Variants in AGBL1 observed in about 807,000 individuals in gnomAD.
AGBL1 encodes AGBL carboxypeptidase 1, also known as cytosolic carboxypeptidase 4.
A neutral mutation model predicts 118.9 loss-of-function variants in AGBL1; 130 were observed. That is an observed-to-expected ratio of 1.09 (90% CI 0.95 to 1.26). The LOEUF is 1.26. AGBL1 is among the 50% of genes most tolerant of loss of function. AGBL1 has a pLI of 0.00. For synonymous variants in AGBL1, 555 were observed against 478.9 expected (o/e 1.16, Z -2.08); for missense variants, 1,584 against 1,298.1 (o/e 1.22, Z -3.38).
intron 7 of AGBL1, 132 bp from the exon 8 acceptor site, chr15:86,256,721 C>G (rs893718351): frequency 1.2e-6 from 1 of 830,280 alleles, no homozygotes; most frequent in South Asian, 1.8e-5. Flanking sequence ...TCTGTCCATG[C>G]GTATAATTCA....
At chr15:86,197,022 T>C (rs920399026) in intron 5 of AGBL1, among the ~76,000 whole-genome samples, 6 of 152,128 alleles carry the variant, frequency 3.9e-5, no homozygotes, top group African/African-American at 1.4e-4. Flanking sequence ...TTCTAGCCTC[T>C]AGAACTGTGA....
chr15:86,765,976 A>C (rs958400630), intron 22 of AGBL1, among the ~76,000 whole-genome samples: 5 of 151,980 alleles, frequency 3.3e-5, no homozygotes, highest in African/African-American at 9.7e-5. Flanking sequence ...TCCATCACCC[A>C]GACTGGTTGT....
At chr15:86,547,314 A>G (rs1303782801) in intron 20 of AGBL1, among the ~76,000 whole-genome samples, 4 of 152,164 alleles carry the variant, frequency 2.6e-5, no homozygotes, top group South Asian at 4.1e-4. Context: ...AATCAAAAAA[A>G]TCTACCATGG....
At chr15:86,814,438 C>T (rs1400010916) in intron 22 of AGBL1, among the ~76,000 whole-genome samples, 1 of 152,158 alleles carries the variant, frequency 6.6e-6, no homozygotes, top group Non-Finnish European at 1.5e-5. Context: ...CAGGCAGAGA[C>T]TGAACCTACA....
chr15:86,784,337 G>A (rs12905488), intron 22 of AGBL1, among the ~76,000 whole-genome samples: 40 of 152,040 alleles, frequency 2.6e-4, no homozygotes, highest in Middle Eastern at 3.4e-3. Flanking sequence ...TGAACTGGTC[G>A]AATGAAAACA....
chr15:86,851,347 C>T (rs564875244), intron 22 of AGBL1, among the ~76,000 whole-genome samples: 8 of 152,116 alleles, frequency 5.3e-5, no homozygotes, highest in Non-Finnish European at 1.2e-4. Flanking sequence ...GCTCACTCTG[C>T]CCACCTAACC....
At chr15:86,220,218 C>G (rs2078260072) in intron 5 of AGBL1, among the ~76,000 whole-genome samples, 1 of 152,196 alleles carries the variant, frequency 6.6e-6, no homozygotes, top group Non-Finnish European at 1.5e-5. Flanking sequence ...TCCCAAAGTG[C>G]TGGGATTACA....
At chr15:86,256,759 G>A in intron 7 of AGBL1, 94 bp from the exon 8 acceptor site, 1 of 1,285,216 alleles carries the variant, frequency 7.8e-7, no homozygotes, top group South Asian at 1.4e-5. Flanking sequence ...AGGAGACTGT[G>A]CTGTGTTACA....
chr15:86,902,408 C>T (rs2080223865), intron 22 of AGBL1, among the ~76,000 whole-genome samples: 1 of 151,806 alleles, frequency 6.6e-6, no homozygotes, highest in East Asian at 1.9e-4. Context: ...AAAAACACCA[C>T]ACAATTTTAT....
chr15:86,173,790 G>A (rs1176271578), intron 5 of AGBL1, among the ~76,000 whole-genome samples: 1 of 152,004 alleles, frequency 6.6e-6, no homozygotes, highest in African/African-American at 2.4e-5. Flanking sequence ...CTGTTCTGCT[G>A]TGCTGGTCTG....
chr15:86,248,191 C>T (rs1394157089), intron 7 of AGBL1, among the ~76,000 whole-genome samples: 1 of 152,092 alleles, frequency 6.6e-6, no homozygotes, highest in Non-Finnish European at 1.5e-5. Flanking sequence ...GTGTTGCACA[C>T]CTATAGTCCC....
At chr15:86,249,192 CA>C (rs774402888) in intron 7 of AGBL1, among the ~76,000 whole-genome samples, 2 of 152,104 alleles carry the variant, frequency 1.3e-5, no homozygotes, top group Non-Finnish European at 2.9e-5. Flanking sequence ...CTCCTGGGGC[CA>C]AGGCAGCCAT....
chr15:86,513,848 A>G (rs1301293148), intron 18 of AGBL1, among the ~76,000 whole-genome samples: 1 of 152,060 alleles, frequency 6.6e-6, no homozygotes, highest in East Asian at 1.9e-4. Context: ...GCATTTCACC[A>G]TTGTGGTTCC....
chr15:86,732,370 G>C (rs1190933126), intron 22 of AGBL1, among the ~76,000 whole-genome samples: 1 of 152,146 alleles, frequency 6.6e-6, no homozygotes, highest in East Asian at 1.9e-4. Flanking sequence ...GAAATTTCTT[G>C]TGATGTGATT....
intron 18 of AGBL1, among the ~76,000 whole-genome samples, chr15:86,471,848 A>C (rs907359465): frequency 1.3e-5 from 2 of 152,232 alleles, no homozygotes; most frequent in African/African-American, 4.8e-5. Flanking sequence ...TGACCATAGG[A>C]ACCCACGAAT....
chr15:86,554,806 G>T (rs773561788), intron 21 of AGBL1, among the ~76,000 whole-genome samples: 7 of 152,150 alleles, frequency 4.6e-5, no homozygotes, highest in Non-Finnish European at 8.8e-5. Context: ...TCTTTGACAT[G>T]CATCCCCAAC....
At chr15:86,089,626 C>T (rs1895888692) in intron 1 of AGBL1, among the ~76,000 whole-genome samples, 1 of 151,980 alleles carries the variant, frequency 6.6e-6, no homozygotes, top group Non-Finnish European at 1.5e-5. Flanking sequence ...TGAATTCTCC[C>T]CTCACCCTTC....
intron 22 of AGBL1, among the ~76,000 whole-genome samples, chr15:86,842,737 A>T (rs1486361273): frequency 6.6e-6 from 1 of 152,136 alleles, no homozygotes; most frequent in Non-Finnish European, 1.5e-5. Context: ...AATTCTTTCA[A>T]TTCTCCAAAT....
intron 22 of AGBL1, among the ~76,000 whole-genome samples, chr15:86,770,965 C>T (rs1194550207): frequency 6.6e-6 from 1 of 152,020 alleles, no homozygotes; most frequent in East Asian, 1.9e-4. Context: ...TGAGTGCAGT[C>T]CTGGACTATT....
Sources: allele counts gnomAD v4.1 joint callset (sites outside exome capture counted in the v4.1 genomes callset), GRCh38; gene constraint gnomAD v4.1.1; transcripts MANE v1.5; gene names NCBI Gene and HGNC (gene_info 2026-07-23, HGNC 2026-07-21).